The following SMCHD1 variants were observed in gnomAD, a reference collection of about 807,000 sequenced individuals.
SMCHD1 encodes structural maintenance of chromosomes flexible hinge domain containing 1.
SMCHD1 carries 78 observed loss-of-function variants against 254.7 expected under a neutral mutation model. The observed-to-expected ratio is 0.31, with a 90% CI of 0.26 to 0.37. The LOEUF (loss-of-function observed/expected upper bound fraction) is 0.37. SMCHD1 is among the 10% of genes least tolerant of loss of function. The pLI is 1.00. For synonymous variants in SMCHD1, 766 were observed against 794.9 expected (o/e 0.96, Z 0.61); for missense variants, 1,840 against 2,408.1 (o/e 0.76, Z 4.94).
At chr18:2,789,808 T>C (rs2076291837) in intron 45 of SMCHD1, among the ~76,000 whole-genome samples, 1 of 152,188 alleles carries the variant, frequency 6.6e-6, no homozygotes, top group East Asian at 1.9e-4. Context: ...ATCTTGGGAA[T>C]AGAAATACTT....
At chr18:2,661,834 C>G (rs960749937) in intron 1 of SMCHD1, among the ~76,000 whole-genome samples, 10 of 152,032 alleles carry the variant, frequency 6.6e-5, no homozygotes, top group Admixed American at 5.9e-4. Flanking sequence ...ATGCAGTTAT[C>G]GTAGAAGAGT....
chr18:2,776,098 C>T (rs1180820164), intron 42 of SMCHD1, among the ~76,000 whole-genome samples, 174 bp downstream of exon 42: 1 of 151,964 alleles, frequency 6.6e-6, no homozygotes, highest in Non-Finnish European at 1.5e-5. Context: ...CATATGCTGG[C>T]TATGTTTTAT....
chr18:2,701,263 C>T, intron 12 of SMCHD1: 1 of 161,170 alleles, frequency 6.2e-6, no homozygotes, highest in East Asian at 1.8e-4. Context: ...CAGGTTCAAG[C>T]TATTCTCCCG....
chr18:2,704,543 A>G (rs1290789284), intron 13 of SMCHD1, among the ~76,000 whole-genome samples: 1 of 151,916 alleles, frequency 6.6e-6, no homozygotes, highest in African/African-American at 2.4e-5. Context: ...AAGTGGATCA[A>G]TGCAATGGAA....
chr18:2,801,218 A>C (rs1009600296), intron 47 of SMCHD1: 7 of 152,224 alleles, frequency 4.6e-5, no homozygotes, highest in Non-Finnish European at 1.0e-4. Context: ...ATACTCACTA[A>C]GATACTTCAT....
chr18:2,789,874 G>T (rs1392716772), intron 45 of SMCHD1, among the ~76,000 whole-genome samples: 1 of 152,182 alleles, frequency 6.6e-6, no homozygotes, highest in African/African-American at 2.4e-5. Flanking sequence ...GTAGACAGAA[G>T]AGAAAAAGAG....
intron 44 of SMCHD1, among the ~76,000 whole-genome samples, chr18:2,781,371 G>A (rs567769395): frequency 1.3e-5 from 2 of 152,326 alleles, no homozygotes; most frequent in African/African-American, 4.8e-5. Context: ...CTACTTGGAT[G>A]TTCTGAAAAC....
At chr18:2,728,826 C>T (rs771284824) in intron 23 of SMCHD1, 38 of 406,390 alleles carry the variant, frequency 9.4e-5, no homozygotes, top group Non-Finnish European at 2.1e-5. Flanking sequence ...GTTTACTCAC[C>T]TCTCCTCTCT....
chr18:2,664,759 A>G (rs919614327), intron 1 of SMCHD1, among the ~76,000 whole-genome samples: 6 of 152,294 alleles, frequency 3.9e-5, no homozygotes, highest in Admixed American at 3.9e-4. Flanking sequence ...TCCATAAGGA[A>G]GTTTTGATCT....
intron 29 of SMCHD1, among the ~76,000 whole-genome samples, chr18:2,746,978 AT>A (rs1259625020): frequency 1.4e-5 from 2 of 139,598 alleles, no homozygotes; most frequent in African/African-American, 2.7e-5. Flanking sequence ...GAATAGTCCT[AT>A]TTAACCAAGG....
intron 7 of SMCHD1, among the ~76,000 whole-genome samples, chr18:2,689,642 C>A (rs2074129717): frequency 6.6e-6 from 1 of 151,964 alleles, no homozygotes. Context: ...CAGTTCACAG[C>A]AGCCTCGAAC....
At chr18:2,766,062 C>A (rs1009411925) in intron 37 of SMCHD1, among the ~76,000 whole-genome samples, 1 of 149,030 alleles carries the variant, frequency 6.7e-6, no homozygotes, top group African/African-American at 2.4e-5. Context: ...GGCGCGATTG[C>A]CCCTCACTGC....
Position 2,738,410 on chromosome 18 carries a change from C to A in SMCHD1, c.3290C>A (p.Pro1097His). The part of the protein sequence containing the change: ...LAEKIKVNWT[P>H]EINKEHLLQG... ...TTTTTCTCCTAGGTTAATTGGACTC[C>A]TGAGATTAACAAAGAACACTTGCTA... is the stretch of plus-strand genomic sequence containing the variant. Residue 1097 changes from proline (P) to histidine (H), a missense_variant, in exon 26 of 48, where the codon CCT (proline) becomes CAT (histidine). Around this residue, in one of 9 missense-constraint regions of SMCHD1, gnomAD observed 881 missense variants for 1,009.5 expected, o/e 0.87. Coordinates refer to ENST00000320876, the MANE Select transcript of SMCHD1 (RefSeq NM_015295.3). The A allele has an allele frequency of 6.2e-7, 1 of 1,600,776 alleles. No homozygotes were observed. Among genetic ancestry groups the A allele is most frequent in the Non-Finnish European group, 8.5e-7 (1 of 1,173,388 alleles).
intron 45 of SMCHD1, among the ~76,000 whole-genome samples, chr18:2,795,037 G>A (rs1598458453): frequency 1.3e-5 from 1 of 76,846 alleles, no homozygotes; most frequent in Non-Finnish European, 2.9e-5. Context: ...AAAAAATTCT[G>A]GGTTTTTTTT....
intron 17 of SMCHD1, among the ~76,000 whole-genome samples, chr18:2,710,580 A>C (rs2074644233): frequency 6.6e-6 from 1 of 152,098 alleles, no homozygotes; most frequent in Non-Finnish European, 1.5e-5. Context: ...TTTTTTATGG[A>C]TTATTTAGGT....
intron 34 of SMCHD1, among the ~76,000 whole-genome samples, chr18:2,759,563 A>T (rs1598412802): frequency 2.5e-4 from 4 of 16,196 alleles, no homozygotes; most frequent in South Asian, 2.5e-3. Context: ...AGTCCGTTTT[A>T]ATTCTCTCTT....
Position 2,743,757 on chromosome 18 carries a change from C to T in SMCHD1, c.3634-4C>T, listed in dbSNP as rs1311313821. Reference sequence around the variant, plus strand: ...GTCTTTCTCAATGTACTTTTCCTCACTAGGAAAACACACAGAGTATAAGTG... The same window carrying T: ...GTCTTTCTCAATGTACTTTTCCTCATTAGGAAAACACACAGAGTATAAGTG... On this transcript the variant is annotated splice_region_variant and splice_polypyrimidine_tract_variant and intron_variant, in intron 28 of 47. Coordinates refer to ENST00000320876, the MANE Select transcript of SMCHD1 (RefSeq NM_015295.3). The T allele has an allele frequency of 1.3e-6, 2 of 1,582,860 alleles. No individual in the cohort carries two copies. Among genetic ancestry groups the T allele is most frequent in the Non-Finnish European group, 1.7e-6 (2 of 1,162,502 alleles).
Position 2,772,366 on chromosome 18 carries a change from G to A in SMCHD1, c.5169G>A (p.Leu1723=), listed in dbSNP as rs1484090348. The change falls in exon 41 of 48, where the codon TTG becomes TTA. Residue 1723 remains leucine, a synonymous_variant. Transcript: ENST00000320876. ...PNYTKGSGDV[L]GKIAHLAQIE... is the part of the protein sequence containing the mutation. ...ATACTAAAGGCAGTGGAGATGTTTT[G>A]GGAAAGGTTTGTGTTTATTAAGCCT... 6.4e-7 allele frequency: 1 copy of A among 1,560,262 alleles called. No individual in the cohort carries two copies. The highest frequency in any genetic ancestry group is 1.4e-5 in the African/African-American group (1 of 71,446).
chr18:2,772,609 G>A (rs1158522731), intron 41 of SMCHD1, among the ~76,000 whole-genome samples: 2 of 152,226 alleles, frequency 1.3e-5, no homozygotes, highest in Non-Finnish European at 2.9e-5. Flanking sequence ...AAGGCTTGTT[G>A]TTTACTTAGA....
Sources: gnomAD v4.1 joint callset for allele counts (sites outside exome capture counted in the v4.1 genomes callset) on GRCh38, gnomAD v4.1.1 for gene constraint, gnomAD v4.1.1 regional missense constraint, MANE v1.5 for transcripts, NCBI Gene and HGNC (gene_info 2026-07-23, HGNC 2026-07-21) for gene names.